RYR2: variants seen among roughly 807,000 people sequenced by gnomAD.
The protein encoded by RYR2 is cardiac muscle ryanodine receptor-calcium release channel.
Under a neutral mutation model 601.1 loss-of-function variants are expected in RYR2, and 227 were observed. The ratio of observed to expected loss-of-function variants is 0.38; its 90% CI spans 0.34 to 0.42. The LOEUF is 0.42. RYR2 is among the 10% of genes least tolerant of loss of function. The pLI is 1.00. For missense variants in RYR2, 4,646 were observed against 6,156.5 expected (o/e 0.75, Z 8.21); for synonymous variants, 2,223 against 2,175.1 (o/e 1.02, Z -0.61).
intron 68 of RYR2, 107 bp from the exon 69 acceptor site, chr1:237,708,751 T>C: frequency 2.0e-6 from 2 of 981,648 alleles, no homozygotes; most frequent in Non-Finnish European, 1.5e-6. Flanking sequence ...AAGGAAGTCA[T>C]GTGCTGGAGA....
intron 87 of RYR2, among the ~76,000 whole-genome samples, chr1:237,775,092 AAAAC>A (rs1462672786): frequency 5.3e-5 from 8 of 151,500 alleles, no homozygotes; most frequent in Non-Finnish European, 1.0e-4. Flanking sequence ...AAAAAAAAAA[AAAAC>A]AGAAGTAACA....
intron 74 of RYR2, among the ~76,000 whole-genome samples, chr1:237,725,136 A>C (rs1412905307): frequency 6.6e-6 from 1 of 152,154 alleles, no homozygotes; most frequent in Non-Finnish European, 1.5e-5. Flanking sequence ...GTATAGAAGC[A>C]ACCCATACTT....
intron 72 of RYR2, among the ~76,000 whole-genome samples, chr1:237,717,729 GT>G (rs1689380737): frequency 6.6e-6 from 1 of 152,144 alleles, no homozygotes; most frequent in Admixed American, 6.5e-5. Context: ...ATAATATATT[GT>G]GCCAACTGTG....
intron 17 of RYR2, among the ~76,000 whole-genome samples, chr1:237,476,509 CAAAAAAAAAAAAAAA>C (rs56116691): frequency 8.5e-5 from 6 of 70,192 alleles, no homozygotes; most frequent in Admixed American, 2.0e-4. Flanking sequence ...GACTCTGTCT[CAAAAAAAAAAAAAAA>C]AAAAAAAAAA....
At position 237,614,692 on chromosome 1, in the gene RYR2, C is replaced by T; in HGVS notation, c.5564C>T (p.Ala1855Val). 1 of 1,613,994 alleles carries T rather than the reference C, an allele frequency of 6.2e-7. No individual in the cohort carries two copies. The highest frequency in any genetic ancestry group is 8.5e-7 in the Non-Finnish European group (1 of 1,179,896). Residue 1855 changes from alanine (A) to valine (V), a missense_variant, in exon 37 of 105, where the codon GCC becomes GTC. By Grantham distance (64) the Ala-to-Val change is moderately conservative (BLOSUM62 0). Coordinates refer to ENST00000366574, the MANE Select transcript of RYR2 (RefSeq NM_001035.3). The surrounding 1 kb of genome is among the most constrained non-coding windows in gnomAD (Gnocchi z 4.3). ...GAGCCCAGTGTGTTTAAAGAAGCTG[C>T]CACTCCGGAGGAGGAGAGTGACACG... is the stretch of plus-strand genomic sequence containing the variant. The part of the protein sequence containing the change: ...LIEPSVFKEA[A>V]TPEEESDTLE...
intron 14 of RYR2, among the ~76,000 whole-genome samples, chr1:237,449,703 T>C (rs10925420): frequency 0.53 from 79,825 of 151,106 alleles, 22,558 homozygotes; most frequent in East Asian, 0.8. Flanking sequence ...AAAATGTGTT[T>C]TTTGCCTTCA....
chr1:237,062,036 C>T (rs1662956711), intron 1 of RYR2, among the ~76,000 whole-genome samples: 1 of 152,184 alleles, frequency 6.6e-6, no homozygotes, highest in Admixed American at 6.5e-5. Context: ...GGTAGTAAGT[C>T]AGGTGGCTGT....
chr1:237,363,864 G>A (rs1388440209), intron 4 of RYR2, among the ~76,000 whole-genome samples: 1 of 152,146 alleles, frequency 6.6e-6, no homozygotes, highest in African/African-American at 2.4e-5. Context: ...ATTGCTTACT[G>A]TTATTTTGCA....
chr1:237,571,584 G>C (rs1170055345), intron 29 of RYR2, among the ~76,000 whole-genome samples: 1 of 152,014 alleles, frequency 6.6e-6, no homozygotes. Flanking sequence ...CAAAGTGCTG[G>C]GAATATAGGC....
intron 56 of RYR2, among the ~76,000 whole-genome samples, chr1:237,666,171 G>A (rs1204019507): frequency 6.6e-6 from 1 of 152,132 alleles, no homozygotes; most frequent in Non-Finnish European, 1.5e-5. Context: ...GCTTGCGTGA[G>A]GAAGAGTAAA....
At chr1:237,347,684 A>G (rs545733576) in intron 3 of RYR2, among the ~76,000 whole-genome samples, 9 of 152,214 alleles carry the variant, frequency 5.9e-5, no homozygotes, top group Non-Finnish European at 8.8e-5. Flanking sequence ...TAATAGTTCC[A>G]TTTCTACCTG....
intron 2 of RYR2, among the ~76,000 whole-genome samples, chr1:237,307,889 A>T (rs551331357): frequency 6.6e-6 from 1 of 152,244 alleles, no homozygotes; most frequent in African/African-American, 2.4e-5. Flanking sequence ...GCATAATATT[A>T]TCAGAGGCAT....
rs57614793 is a variant in RYR2 at position 237,427,782 on chromosome 1, C to CAA, written c.1005+4563_1005+4564dup. Among the ~76,000 whole-genome samples, 136 of 56,218 alleles carry CAA rather than the reference C, an allele frequency of 2.4e-3. 14 individuals are homozygous for CAA. The highest frequency in any genetic ancestry group is 6.2e-3 in the African/African-American group (88 of 14,292). The allele number at this position is 56,218 out of a possible 152,430, so 36.9% of individuals were successfully genotyped here. On this transcript the variant is annotated intron_variant, in intron 12 of 104. Transcript: ENST00000366574. ...TGGGCAACAGAGCAAGACTCTGCCTCAAAAAAAAAAAAAAAAAAAAAAAAA... is the reference window on the plus strand; with the variant it reads ...TGGGCAACAGAGCAAGACTCTGCCTCAAAAAAAAAAAAAAAAAAAAAAAAAAA...
At chr1:237,144,888 C>T (rs571031737) in intron 1 of RYR2, among the ~76,000 whole-genome samples, 143 of 152,172 alleles carry the variant, frequency 9.4e-4, no homozygotes, top group Middle Eastern at 3.4e-3. Context: ...CTTGGGTATC[C>T]CCTATTCCAC....
At chr1:237,730,404 G>A (rs1421422796) in intron 77 of RYR2, 48 bp downstream of exon 77, 1 of 1,022,210 alleles carries the variant, frequency 9.8e-7, no homozygotes, top group East Asian at 2.4e-5. Flanking sequence ...TAGGCTTGGT[G>A]CAGCAATGTT....
At chr1:237,277,894 C>T (rs1242342251) in intron 2 of RYR2, among the ~76,000 whole-genome samples, 2 of 152,014 alleles carry the variant, frequency 1.3e-5, no homozygotes, top group African/African-American at 2.4e-5. Context: ...AGTCATTAAG[C>T]CTTAACACTA....
intron 1 of RYR2, among the ~76,000 whole-genome samples, chr1:237,209,684 CT>C (rs1171445865): frequency 1.3e-5 from 2 of 152,102 alleles, no homozygotes; most frequent in African/African-American, 4.8e-5. Context: ...CAGACCCTGT[CT>C]CTACAAAAAA....
rs982053853 is a variant in RYR2, at chr1:237,684,777, A to G, written c.9018-2678A>G. On this transcript the variant is annotated intron_variant, in intron 62 of 104. Transcript: ENST00000366574. ...ATTTGGGGATTATCTGAACACATAT[A>G]TATATATATATAATGCTTGAAGCTC... Among the ~76,000 whole-genome samples, 45 of 151,876 alleles carry G rather than the reference A, an allele frequency of 3.0e-4. 1 individual carries two copies. The highest frequency in any genetic ancestry group is 3.4e-3 in the Middle Eastern group (1 of 292).
Position 237,388,121 on chromosome 1 carries a change from G to C in RYR2, c.711G>C (p.Leu237=), listed in dbSNP as rs759018901. The C allele has an allele frequency of 1.1e-5, 18 of 1,613,810 alleles. 1 individual carries two copies. The Admixed American group carries it at 2.7e-4, about 24-fold the overall frequency. The change falls in exon 10 of 105, where the codon CTG becomes CTC. Residue 237 remains leucine (L), a synonymous_variant. Transcript: ENST00000366574. The part of the protein sequence containing the change: ...YLIGGDVLRL[L]HGHMDECLTV... ...TTGGTGGTGATGTCCTCAGGTTGCTGCATGGACACATGGACGAGTGTCTCA... is the reference window on the plus strand; with the variant it reads ...TTGGTGGTGATGTCCTCAGGTTGCTCCATGGACACATGGACGAGTGTCTCA...
Sources: gnomAD v4.1 joint callset for allele counts (sites outside exome capture counted in the v4.1 genomes callset) on GRCh38, gnomAD v4.1.1 for gene constraint, Gnocchi (gnomAD v3.1) non-coding constraint, MANE v1.5 for transcripts, NCBI Gene and HGNC (gene_info 2026-07-23, HGNC 2026-07-21) for gene names.